MOSPD2: variants seen among roughly 807,000 people sequenced by gnomAD.
MOSPD2 encodes the protein motile sperm domain-containing protein 2.
MOSPD2 carries 5 observed loss-of-function variants against 41.7 expected under a neutral mutation model. The observed-to-expected ratio is 0.12, with a 90% confidence interval of 0.06 to 0.25. MOSPD2 has a LOEUF of 0.25. Among genes scored for constraint, MOSPD2 ranks in the 10% least tolerant of loss-of-function variants. The pLI, the probability that MOSPD2 is intolerant of heterozygous loss-of-function variation, is 1.00. For synonymous variants in MOSPD2, 115 were observed against 126.9 expected, an observed-to-expected ratio of 0.91 and a Z score of 0.63; for missense variants, 282 against 375.2, an observed-to-expected ratio of 0.75 and a Z score of 2.05.
intron 2 of MOSPD2, among the ~76,000 whole-genome samples, chrX:14,879,236 T>C (rs976772339): frequency 3.6e-5 from 4 of 111,912 alleles, no homozygotes; most frequent in African/African-American, 9.8e-5. Context: ...TCATGTACAG[T>C]ATAGCTATGA....
chrX:14,890,927 G>A (rs1260121384), intron 2 of MOSPD2, among the ~76,000 whole-genome samples: 1 of 111,724 alleles, frequency 9.0e-6, no homozygotes, highest in African/African-American at 3.3e-5. Flanking sequence ...TTTGTTTTTT[G>A]TATGAACCTT....
intron 2 of MOSPD2, among the ~76,000 whole-genome samples, chrX:14,885,739 TTATC>T (rs2092539989): frequency 9.0e-6 from 1 of 111,251 alleles, no homozygotes; most frequent in Non-Finnish European, 1.9e-5. Context: ...AACTTCAGCT[TTATC>T]TATGACATTC....
At chrX:14,878,787 G>A (rs2092526240) in intron 2 of MOSPD2, among the ~76,000 whole-genome samples, 1 of 111,619 alleles carries the variant, frequency 9.0e-6, no homozygotes, top group Admixed American at 9.5e-5. Flanking sequence ...CCATGTTGGT[G>A]TGCCAACAGT....
chrX:14,885,075 T>C (rs2092538593), intron 2 of MOSPD2, among the ~76,000 whole-genome samples: 4 of 111,604 alleles, frequency 3.6e-5, no homozygotes, highest in Admixed American at 2.9e-4. Flanking sequence ...ATGAGCAAAT[T>C]TGATTATACA....
chrX:14,899,325 A>C (rs1388202708), intron 5 of MOSPD2, among the ~76,000 whole-genome samples: 2 of 108,579 alleles, frequency 1.8e-5, no homozygotes, highest in Non-Finnish European at 3.8e-5. Context: ...TCAATTAAAT[A>C]AATGATAGAA....
intron 5 of MOSPD2, among the ~76,000 whole-genome samples, chrX:14,898,960 A>C (rs1015012736): frequency 5.5e-5 from 6 of 109,769 alleles, no homozygotes; most frequent in Non-Finnish European, 1.2e-4. Context: ...TATAAATTTC[A>C]AGGCAAAAAA....
chrX:14,882,900 G>A (rs1449831234), intron 2 of MOSPD2, among the ~76,000 whole-genome samples: 1 of 109,556 alleles, frequency 9.1e-6, no homozygotes, highest in South Asian at 3.9e-4. Context: ...CAGCTCTAAA[G>A]AATCTGTTAC....
Position 14,873,446 on chromosome X carries a change from G to A in MOSPD2, c.-83G>A. 4 of 1,185,590 alleles carry A rather than the reference G, an allele frequency of 3.4e-6. No homozygotes were observed. The highest frequency in any genetic ancestry group is 2.2e-5 in the Admixed American group (1 of 46,001). ...ACCCTTCTCTGTCTACCTCTGGGCG[G>A]GACTGCCGGGTGATGAGATACTCGG... On this transcript the variant is annotated 5_prime_UTR_variant, in exon 1 of 15. Coordinates refer to ENST00000380492, the MANE Select transcript of MOSPD2 (RefSeq NM_152581.4).
chrX:14,884,357 C>CAAGGAACTTTCAGAATG (rs755800870), intron 2 of MOSPD2, among the ~76,000 whole-genome samples: 1 of 111,381 alleles, frequency 9.0e-6, no homozygotes, highest in African/African-American at 3.3e-5. Context: ...TAAAGTATTA[C>CAAGGAACTTTCAGAATG]AAGGAACTTT....
intron 7 of MOSPD2, among the ~76,000 whole-genome samples, chrX:14,905,922 T>G (rs1223586513): frequency 8.9e-6 from 1 of 111,823 alleles, no homozygotes; most frequent in Non-Finnish European, 1.9e-5. Context: ...TTTTTTAATA[T>G]TTTCAATTGT....
At chrX:14,876,411 C>A (rs753895536) in intron 2 of MOSPD2, among the ~76,000 whole-genome samples, 1 of 112,420 alleles carries the variant, frequency 8.9e-6, no homozygotes, top group Admixed American at 9.4e-5. Context: ...CAAGCACAAA[C>A]TGTATTCCAG....
rs1051471923 is a variant in MOSPD2 at position 14,921,765 on chromosome X, C to G, written c.*1956C>G. Reference sequence around the variant, plus strand: ...AATCAAAGGCATCTAAACGTTTGTACTTGTCTTGATTAATCATATATTTAC... The same window carrying G: ...AATCAAAGGCATCTAAACGTTTGTAGTTGTCTTGATTAATCATATATTTAC... On this transcript the variant is annotated 3_prime_UTR_variant, in exon 15 of 15. Transcript: ENST00000380492. The G allele has an allele frequency of 2.4e-5, 3 of 126,193 alleles. No individual in the cohort carries two copies. The highest frequency in any genetic ancestry group is 9.5e-5 in the African/African-American group (3 of 31,474). 10.4% of individuals were successfully genotyped at this position (126,193 alleles called of 1,213,427 possible). A position where few individuals can be genotyped will look rare whatever the true frequency, so the allele number is the denominator to read the frequency against.
At position 14,921,929 on chromosome X, in the gene MOSPD2, T is replaced by G. The variant is rs1201388107; in HGVS notation, c.*2120T>G. ...ATTACCAAGGAACCAACATTTAGAT[T>G]TAGATATTTGTTTTCACTTAGGAAT... On this transcript the variant is annotated 3_prime_UTR_variant, in exon 15 of 15. Coordinates refer to ENST00000380492, the MANE Select transcript of MOSPD2 (RefSeq NM_152581.4). 1 of 111,655 alleles carries G rather than the reference T, an allele frequency of 9.0e-6. No homozygotes were observed. Among genetic ancestry groups the G allele is most frequent in the Non-Finnish European group, 1.9e-5 (1 of 53,123 alleles). The allele number at this position is 111,655 out of a possible 1,213,427, so 9.2% of individuals were successfully genotyped here.
intron 2 of MOSPD2, among the ~76,000 whole-genome samples, chrX:14,885,950 G>T (rs191515115): frequency 3.6e-4 from 40 of 111,748 alleles, no homozygotes; most frequent in African/African-American, 1.1e-3. Context: ...GGATAGACTT[G>T]TACATGGCTA....
chrX:14,909,179 T>C (rs557146340), intron 8 of MOSPD2, among the ~76,000 whole-genome samples, 195 bp downstream of exon 8: 1 of 112,080 alleles, frequency 8.9e-6, no homozygotes, highest in South Asian at 3.6e-4. Flanking sequence ...AGGTAATATA[T>C]TTATGTGGTT....
At chrX:14,885,657 T>A (rs746522334) in intron 2 of MOSPD2, among the ~76,000 whole-genome samples, 1 of 111,285 alleles carries the variant, frequency 9.0e-6, no homozygotes, top group South Asian at 3.8e-4. Flanking sequence ...AGGCTTATGA[T>A]AACAACACAA....
chrX:14,903,557 T>C (rs1325472435), intron 7 of MOSPD2, among the ~76,000 whole-genome samples: 1 of 111,672 alleles, frequency 9.0e-6, no homozygotes, highest in Non-Finnish European at 1.9e-5. Flanking sequence ...TTGACAGTCA[T>C]GATATATTTT....
At chrX:14,894,269 C>T (rs1050527421) in intron 3 of MOSPD2, among the ~76,000 whole-genome samples, 6 of 105,977 alleles carry the variant, frequency 5.7e-5, no homozygotes, top group East Asian at 2.9e-4. Context: ...GTAGCTGGGA[C>T]GACAGGCATG....
intron 2 of MOSPD2, among the ~76,000 whole-genome samples, chrX:14,892,102 A>C (rs1171226873): frequency 8.9e-6 from 1 of 111,880 alleles, no homozygotes; most frequent in Non-Finnish European, 1.9e-5. Flanking sequence ...TGCAGTCTTT[A>C]GATAACGCAT....
Sources: gnomAD v4.1 joint callset for allele counts (sites outside exome capture counted in the v4.1 genomes callset) on GRCh38, gnomAD v4.1.1 for gene constraint, MANE v1.5 for transcripts, NCBI Gene and HGNC (gene_info 2026-07-23, HGNC 2026-07-21) for gene names.